The following PLSCR2 variants were observed in gnomAD, a reference collection of about 807,000 sequenced individuals.
PLSCR2 encodes the protein phospholipid scramblase 2, also known as PL scramblase 2.
PLSCR2 carries 18 observed loss-of-function variants against 25.3 expected under a neutral mutation model. The observed-to-expected ratio is 0.71, with a 90% CI of 0.49 to 1.06. The LOEUF is 1.06. PLSCR2 is among the 50% of genes least tolerant of loss of function. PLSCR2 has a pLI of 0.00. For synonymous variants in PLSCR2, 88 were observed against 87.3 expected, an observed-to-expected ratio of 1.01 and a Z score of -0.04; for missense variants, 243 against 269.5, an observed-to-expected ratio of 0.90 and a Z score of 0.69.
chr3:146,451,173 G>A (rs534224806), intron 5 of PLSCR2, among the ~76,000 whole-genome samples: 6 of 144,356 alleles, frequency 4.2e-5, no homozygotes, highest in South Asian at 2.2e-4. Flanking sequence ...GGAGTGCAAC[G>A]GCGCGATCTC....
At chr3:146,398,810 T>G (rs1194803336) in intron 2 of PLSCR2, 4 of 152,292 alleles carry the variant, frequency 2.6e-5, no homozygotes, top group African/African-American at 7.2e-5. Context: ...CTGGTGGAGC[T>G]TCAACTTTTA....
intron 1 of PLSCR2, among the ~76,000 whole-genome samples, chr3:146,483,295 T>TG (rs2043195903): frequency 6.1e-5 from 1 of 16,440 alleles, no homozygotes. Flanking sequence ...GGTGGGGGGC[T>TG]GGGGGAGGGA....
exon 1 of PLSCR2, among the ~76,000 whole-genome samples, chr3:146,460,441 TG>T (rs1160028481): frequency 7.6e-4 from 60 of 79,418 alleles, no homozygotes; most frequent in African/African-American, 2.7e-3. Context: ...GAGATGAAAT[TG>T]GAAAAAAAAA....
intron 2 of PLSCR2, among the ~76,000 whole-genome samples, chr3:146,412,349 C>T (rs575717384): frequency 1.3e-5 from 2 of 152,068 alleles, no homozygotes; most frequent in African/African-American, 4.8e-5. Flanking sequence ...CTCCCTGGGC[C>T]CCCAGGTTTT....
At chr3:146,446,157 T>G (rs2040544565) in intron 6 of PLSCR2, among the ~76,000 whole-genome samples, 1 of 152,166 alleles carries the variant, frequency 6.6e-6, no homozygotes, top group Non-Finnish European at 1.5e-5. Context: ...CCTGGTGCCT[T>G]ATTTAGTTCA....
chr3:146,433,213 TTC>T (rs1159197389), downstream of PLSCR2: 2 of 152,188 alleles, frequency 1.3e-5, no homozygotes, highest in African/African-American at 2.4e-5. Context: ...CATCAGAATG[TTC>T]TTTTTTCTGT....
chr3:146,396,740 G>A (rs1474694397), intron 2 of PLSCR2, among the ~76,000 whole-genome samples: 1 of 152,110 alleles, frequency 6.6e-6, no homozygotes, highest in South Asian at 2.1e-4. Context: ...TGAGACCAAA[G>A]AGGTTAGCAG....
chr3:146,430,568 A>G (rs952902212), downstream of PLSCR2, among the ~76,000 whole-genome samples: 3 of 152,158 alleles, frequency 2.0e-5, no homozygotes, highest in East Asian at 5.8e-4. Flanking sequence ...TTCTGATTAC[A>G]CTAATGTTAC....
At chr3:146,484,030 C>A (rs1427437551) in intron 1 of PLSCR2, among the ~76,000 whole-genome samples, 1 of 151,444 alleles carries the variant, frequency 6.6e-6, no homozygotes, top group East Asian at 1.9e-4. Context: ...TCTAAAGAAG[C>A]TAAGAACCAT....
chr3:146,452,243 T>C (rs141712408), intron 5 of PLSCR2, among the ~76,000 whole-genome samples: 229 of 152,036 alleles, frequency 1.5e-3, no homozygotes, highest in African/African-American at 5.3e-3. Context: ...GGAGAAAAAA[T>C]ATCCACACAT....
chr3:146,431,608 T>C (rs1450963447), downstream of PLSCR2, among the ~76,000 whole-genome samples: 1 of 152,102 alleles, frequency 6.6e-6, no homozygotes, highest in Non-Finnish European at 1.5e-5. Flanking sequence ...TAACAATAAT[T>C]GAGTGGAAAG....
rs186371747 is a variant in PLSCR2, at chr3:146,392,448, T to C, written c.*146-886A>G. 2.0e-5 allele frequency among the ~76,000 whole-genome samples: 3 copies of C among 152,194 alleles called. No homozygotes were observed. The East Asian group carries it at 5.8e-4, about 29-fold the overall frequency. On this transcript the variant is annotated intron_variant and NMD_transcript_variant, in intron 3 of 3. Transcript: ENST00000463633. ...TTGTGTGTTTTTGGAGACGCTTTCTTAAGTTTAGTGGTTTTTATTCCCTCT... is the reference window on the plus strand; with the variant it reads ...TTGTGTGTTTTTGGAGACGCTTTCTCAAGTTTAGTGGTTTTTATTCCCTCT...
intron 2 of PLSCR2, among the ~76,000 whole-genome samples, chr3:146,412,590 C>T (rs187622346): frequency 4.3e-4 from 66 of 152,156 alleles, no homozygotes; most frequent in Non-Finnish European, 2.1e-4. Flanking sequence ...ATTTTCGGTG[C>T]CACAAACGAA....
chr3:146,421,164 GAAGA>G (rs1025500551), intron 2 of PLSCR2, among the ~76,000 whole-genome samples: 10 of 152,020 alleles, frequency 6.6e-5, no homozygotes, highest in African/African-American at 2.4e-4. Context: ...TCATAAATCA[GAAGA>G]AAGATGGGGT....
chr3:146,407,591 C>T (rs772152403), intron 2 of PLSCR2, among the ~76,000 whole-genome samples: 8 of 152,090 alleles, frequency 5.3e-5, no homozygotes, highest in Non-Finnish European at 8.8e-5. Context: ...GGGGATTCTT[C>T]TTTGTTTTTG....
intron 1 of PLSCR2, among the ~76,000 whole-genome samples, chr3:146,471,388 T>C (rs916194672): frequency 6.6e-6 from 1 of 152,208 alleles, no homozygotes; most frequent in African/African-American, 2.4e-5. Context: ...TTGATTCTGA[T>C]TGTTAATGAG....
At chr3:146,420,145 G>T (rs1322405087) in intron 2 of PLSCR2, among the ~76,000 whole-genome samples, 1 of 151,940 alleles carries the variant, frequency 6.6e-6, no homozygotes, top group East Asian at 1.9e-4. Context: ...CAAGCCTTTG[G>T]TTAATTTTCC....
chr3:146,447,388 C>G (rs1274649300), intron 6 of PLSCR2, among the ~76,000 whole-genome samples: 2 of 152,150 alleles, frequency 1.3e-5, no homozygotes, highest in East Asian at 3.9e-4. Context: ...ACATTAGGAC[C>G]CAAGGGCTCT....
At chr3:146,488,981 G>A (rs533793272) in intron 1 of PLSCR2, among the ~76,000 whole-genome samples, 28 of 152,176 alleles carry the variant, frequency 1.8e-4, no homozygotes, top group South Asian at 6.2e-4. Flanking sequence ...GGAATACTAC[G>A]CAGCCATAAA....
Sources: allele counts gnomAD v4.1 joint callset (sites outside exome capture counted in the v4.1 genomes callset), GRCh38; gene constraint gnomAD v4.1.1; transcripts MANE v1.5; gene names NCBI Gene and HGNC (gene_info 2026-07-23, HGNC 2026-07-21).